The following SLC38A10 variants were observed in gnomAD, a reference collection of about 807,000 sequenced individuals.
SLC38A10 encodes solute carrier family 38 member 10.
Under a neutral mutation model 81.0 loss-of-function variants are expected in SLC38A10, and 53 were observed. The ratio of observed to expected loss-of-function variants is 0.65; its 90% CI spans 0.53 to 0.82. The LOEUF (loss-of-function observed/expected upper bound fraction) is 0.82, where lower values mean the gene tolerates loss of function less well. Among genes scored for constraint, SLC38A10 ranks in the 40% least tolerant of loss-of-function variants. The pLI is 0.00. For synonymous variants in SLC38A10, 665 were observed against 655.3 expected (o/e 1.01, Z -0.23); for missense variants, 1,471 against 1,545.0 (o/e 0.95, Z 0.80).
At chr17:81,273,562 T>C (rs1045157860) in intron 8 of SLC38A10, among the ~76,000 whole-genome samples, 30 of 152,200 alleles carry the variant, frequency 2.0e-4, no homozygotes, top group African/African-American at 7.2e-4. Context: ...TTTTGAAGCA[T>C]GCCATTTTCA....
chr17:81,266,735 A>G (rs2063073963), intron 10 of SLC38A10, among the ~76,000 whole-genome samples: 1 of 152,252 alleles, frequency 6.6e-6, no homozygotes, highest in African/African-American at 2.4e-5. Flanking sequence ...AAGGACCTAC[A>G]GTGAGGTCTG....
intron 3 of SLC38A10, among the ~76,000 whole-genome samples, chr17:81,284,071 T>C (rs894975004): frequency 1.2e-4 from 18 of 150,816 alleles, no homozygotes; most frequent in African/African-American, 4.1e-4. Context: ...AAAATCTCCA[T>C]GATGGGCCTG....
chr17:81,288,774 TGAG>T lies in SLC38A10; in HGVS notation c.217+914_217+916del, dbSNP rs1451901493. 1 of 152,402 alleles carries T rather than the reference TGAG, an allele frequency of 6.6e-6. No homozygotes were observed. Among genetic ancestry groups the T allele is most frequent in the East Asian group, 1.9e-4 (1 of 5,194 alleles). The allele number at this position is 152,402 out of a possible 1,614,324, so 9.4% of individuals were successfully genotyped here. ...CTGAACTCCAGCAACAGCCCAGGCC[TGAG>T]GAGCTTCCTCCATGGAATTCCGAGT... On this transcript the variant is annotated intron_variant, in intron 2 of 15. Transcript: ENST00000374759. The surrounding 1 kb of genome is among the most constrained non-coding windows in gnomAD (Gnocchi z 5.4).
In SLC38A10 at chr17:81,253,952, TCAC is replaced by T. The variant is rs1039209769; in HGVS notation, c.1289-715_1289-713del. 1.3e-4 allele frequency among the ~76,000 whole-genome samples: 20 copies of T among 151,244 alleles called. No homozygotes were observed. The highest frequency in any genetic ancestry group is 3.5e-3 in the Middle Eastern group (1 of 286). On this transcript the variant is annotated intron_variant, in intron 11 of 15. Transcript: ENST00000374759. The surrounding 1 kb of genome is among the most constrained non-coding windows in gnomAD (Gnocchi z 4.1). ...ATTGCCATCACCTCCATTATCGTCA[TCAC>T]CACCACCATCTCCATCCCCACCACC...
Position 81,294,810 on chromosome 17 carries a change from C to T in SLC38A10, c.99+13G>A. 6.4e-7 allele frequency: 1 copy of T among 1,573,222 alleles called. No homozygotes were observed. On this transcript the variant is annotated intron_variant, in intron 1 of 15. Transcript: ENST00000374759. ...GAGGCGAGGGCGGTGATCTCCGGGCCCACCGGACTCACCTGTTTGAAGCAG... is the reference window on the plus strand; with the variant it reads ...GAGGCGAGGGCGGTGATCTCCGGGCTCACCGGACTCACCTGTTTGAAGCAG...
intron 2 of SLC38A10, chr17:81,285,163 G>C (rs1360029031): frequency 2.7e-6 from 1 of 368,364 alleles, no homozygotes; most frequent in South Asian, 5.5e-5. Flanking sequence ...CAGACAAAGA[G>C]ACAAGTCCCT....
chr17:81,245,098 T>TG lies in SLC38A10; in HGVS notation c.*457dup, dbSNP rs2062836137. ...TTATCATTCTGAGTCACTGCAAGCG[T>TG]GGGGTTGGATGCTGGCTCTCACAGT... is the stretch of plus-strand genomic sequence containing the variant. On this transcript the variant is annotated 3_prime_UTR_variant, in exon 16 of 16. Transcript: ENST00000374759. 1 of 170,324 alleles carries TG rather than the reference T, an allele frequency of 5.9e-6. No individual in the cohort carries two copies. The highest frequency in any genetic ancestry group is 6.2e-5 in the Admixed American group (1 of 16,030). The allele number at this position is 170,324 out of a possible 1,614,324, so 10.6% of individuals were successfully genotyped here. A position where few individuals can be genotyped will look rare whatever the true frequency, so the allele number is the denominator to read the frequency against.
At chr17:81,290,511 T>A (rs1330713038) in intron 1 of SLC38A10, among the ~76,000 whole-genome samples, 4 of 152,176 alleles carry the variant, frequency 2.6e-5, no homozygotes, top group African/African-American at 9.7e-5. Context: ...GGACTCTGAA[T>A]GCTACAAACA....
chr17:81,275,301 C>CA (rs780105470), intron 8 of SLC38A10, among the ~76,000 whole-genome samples: 4 of 152,122 alleles, frequency 2.6e-5, no homozygotes, highest in Non-Finnish European at 5.9e-5. Context: ...CTCCTGGACT[C>CA]ACACAACCTC....
rs547264331 is a variant in SLC38A10, at chr17:81,266,055, G to A, written c.1131+4863C>T. Among the ~76,000 whole-genome samples the A allele has an allele frequency of 9.9e-5, 15 of 152,270 alleles. No homozygotes were observed. The South Asian group carries it at 1.0e-3, about 11-fold the overall frequency. ...ATGTCTACACACCAAGTCAAAAGCC[G>A]ACACTGGGCTAACGGGTAAACACTA... On this transcript the variant is annotated intron_variant, in intron 10 of 15. Transcript: ENST00000374759.
intron 14 of SLC38A10, among the ~76,000 whole-genome samples, chr17:81,247,939 A>G (rs1027104976): frequency 6.6e-6 from 1 of 150,986 alleles, no homozygotes; most frequent in Non-Finnish European, 1.5e-5. Flanking sequence ...TTAAAAACAA[A>G]CAAAAGCTGT....
chr17:81,249,439 G>C (rs1432673637), intron 14 of SLC38A10, among the ~76,000 whole-genome samples: 10 of 5,696 alleles, frequency 1.8e-3, no homozygotes, highest in Admixed American at 4.7e-3. Context: ...AGGAGGGAGG[G>C]AGAAGGAGGG....
intron 10 of SLC38A10, among the ~76,000 whole-genome samples, chr17:81,267,073 AACTAACATG>A (rs2063076758): frequency 6.6e-6 from 1 of 152,208 alleles, no homozygotes; most frequent in Non-Finnish European, 1.5e-5. Flanking sequence ...ACTAACATGC[AACTAACATG>A]CAACTAACAC....
chr17:81,287,254 C>T (rs962175854), intron 2 of SLC38A10, among the ~76,000 whole-genome samples: 1 of 152,220 alleles, frequency 6.6e-6, no homozygotes, highest in African/African-American at 2.4e-5. Flanking sequence ...ACCATTACAC[C>T]GCAAACCTAT....
chr17:81,281,203 G>A lies in SLC38A10; in HGVS notation c.502-470C>T, dbSNP rs377747223. 1.3e-5 allele frequency among the ~76,000 whole-genome samples: 2 copies of A among 152,210 alleles called. No homozygotes were observed. Among genetic ancestry groups the A allele is most frequent in the South Asian group, 4.1e-4 (2 of 4,828 alleles). On this transcript the variant is annotated intron_variant, in intron 5 of 15. Transcript: ENST00000374759. The surrounding 1 kb of genome is among the most constrained non-coding windows in gnomAD (Gnocchi z 5.3). ...GCTGCCACTGGGCTGGCCCTCACTC[G>A]GAGAGCTGAGGAGCACTGGAGACCC... is the stretch of plus-strand genomic sequence containing the variant.
At position 81,261,588 on chromosome 17, in the gene SLC38A10, C is replaced by T. The variant is rs532736036; in HGVS notation, c.1132-1194G>A. Among the ~76,000 whole-genome samples the T allele has an allele frequency of 5.2e-5, 8 of 152,388 alleles. No homozygotes were observed. In the East Asian group the frequency reaches 1.3e-3, roughly 26 times the overall value. On this transcript the variant is annotated intron_variant, in intron 10 of 15. Coordinates refer to ENST00000374759, the MANE Select transcript of SLC38A10 (RefSeq NM_001037984.3). ...AGAGGTCTCCCCAGAGGGAAGGACT[C>T]GTGCTCTCCGAAGCTGGTGGCAGCT...
Position 81,246,055 on chromosome 17 carries a change from G to C in SLC38A10, c.2861C>G (p.Ala954Gly). The change falls in exon 16 of 16, where the codon GCT (alanine) becomes GGT (glycine). Residue 954 changes from alanine (A) to glycine (G), a missense_variant. Around this residue, in one of 2 missense-constraint regions of SLC38A10, gnomAD observed 751 missense variants for 717.4 expected, o/e 1.05. Coordinates refer to ENST00000374759, the MANE Select transcript of SLC38A10 (RefSeq NM_001037984.3). ...CCGCAGTTCCGGCTGGCGTAACACA[G>C]CCTGGGGCTGTGCAGCTGCTCCTTC... ...GAEGAAAQPQ[A>G]VLRQPELRVI... 1 of 1,609,766 alleles carries C rather than the reference G, an allele frequency of 6.2e-7. No individual in the cohort carries two copies. The highest frequency in any genetic ancestry group is 2.2e-5 in the East Asian group (1 of 44,874).
At position 81,270,774 on chromosome 17, in the gene SLC38A10, C is replaced by T. The variant is rs984221027; in HGVS notation, c.1131+144G>A. The T allele has an allele frequency of 3.5e-5, 23 of 656,108 alleles. No homozygotes were observed. In the South Asian group the frequency reaches 4.4e-4, roughly 12 times the overall value. The allele number at this position is 656,108 out of a possible 1,614,324, so 40.6% of individuals were successfully genotyped here. Reference sequence around the variant, plus strand: ...GTGAACCCAGGGTTCCCCAGGCTGACTGGACCAAGTCCCTTTTGTGGGTTT... The same window carrying T: ...GTGAACCCAGGGTTCCCCAGGCTGATTGGACCAAGTCCCTTTTGTGGGTTT... On this transcript the variant is annotated intron_variant, in intron 10 of 15. Transcript: ENST00000374759. The surrounding 1 kb of genome is among the most constrained non-coding windows in gnomAD (Gnocchi z 4.0).
At chr17:81,294,744 C>A (rs993593872) in intron 1 of SLC38A10, 79 bp downstream of exon 1, 69 of 1,370,238 alleles carry the variant, frequency 5.0e-5, no homozygotes, top group Non-Finnish European at 6.5e-5. Context: ...CCGGCGGGAA[C>A]TTTAACCAGG....
Sources: gnomAD v4.1 joint callset for allele counts (sites outside exome capture counted in the v4.1 genomes callset) on GRCh38, gnomAD v4.1.1 for gene constraint, gnomAD v4.1.1 regional missense constraint, Gnocchi (gnomAD v3.1) non-coding constraint, MANE v1.5 for transcripts, NCBI Gene and HGNC (gene_info 2026-07-23, HGNC 2026-07-21) for gene names.